SLC10A1: variants seen among roughly 807,000 people sequenced by gnomAD.
SLC10A1 encodes the protein solute carrier family 10 member 1.
SLC10A1 carries 36 observed loss-of-function variants against 20.5 expected under a neutral mutation model. The ratio of observed to expected loss-of-function variants is 1.75; its 90% confidence interval spans 1.34 to 2.32. The LOEUF is 2.32. Ranked by LOEUF, SLC10A1 falls within the 30% of genes most tolerant of loss-of-function variation. The pLI is 0.00. For synonymous variants in SLC10A1, 188 were observed against 163.6 expected (o/e 1.15, Z -1.14); for missense variants, 545 against 439.1 (o/e 1.24, Z -2.16).
Position 69,776,389 on chromosome 14 carries a change from C to A in SLC10A1, c.944-1G>T, listed in dbSNP as rs144422250. The A allele has an allele frequency of 2.5e-6, 4 of 1,608,932 alleles. No individual in the cohort carries two copies. The highest frequency in any genetic ancestry group is 3.4e-6 in the Non-Finnish European group (4 of 1,177,284). On this transcript the variant is annotated splice_acceptor_variant, in intron 4 of 4. Transcript: ENST00000216540. LOFTEE classifies it high-confidence loss of function. ...GCTGTGTAGATCATTTTTGTTTTAT[C>A]TGTAAAGTTAAAAAGGGTTACAGGT... is the stretch of plus-strand genomic sequence containing the variant.
Position 69,778,350 on chromosome 14 carries a change from T to A in SLC10A1, c.926A>T (p.Lys309Ile). The change falls in exon 4 of 5, where the codon AAA becomes ATA. Residue 309 changes from lysine (K) to isoleucine (I), a missense_variant. Physicochemically the swap from Lys to Ile is moderately radical, Grantham distance 102. Coordinates refer to ENST00000216540, the MANE Select transcript of SLC10A1 (RefSeq NM_003049.4). ...GTACTCACCCTTGGGAGTCTTGAATTTCTCATAGCACCAAAATATGGCAAT... is the reference window on the plus strand; with the variant it reads ...GTACTCACCCTTGGGAGTCTTGAATATCTCATAGCACCAAAATATGGCAAT... ...LLIAIFWCYE[K>I]FKTPKDKTKM... 1 of 1,607,632 alleles carries A rather than the reference T, an allele frequency of 6.2e-7. No homozygotes were observed. Among genetic ancestry groups the A allele is most frequent in the Non-Finnish European group, 8.5e-7 (1 of 1,177,090 alleles).
At position 69,775,972 on chromosome 14, in the gene SLC10A1, ACTTTAAGATGCTTAT is replaced by A. The variant is rs1426849374; in HGVS notation, c.*295_*309del. On this transcript the variant is annotated 3_prime_UTR_variant, in exon 5 of 5. Transcript: ENST00000216540. ...TATTGATTAGTTCAGGAATTGAGTG[ACTTTAAGATGCTTAT>A]CAGACACTTTTAGAGATCCCAGCAA... 1.3e-5 allele frequency: 4 copies of A among 311,070 alleles called. No individual in the cohort carries two copies. Among genetic ancestry groups the A allele is most frequent in the African/African-American group, 8.7e-5 (4 of 46,126 alleles). 19.3% of individuals were successfully genotyped at this position (311,070 alleles called of 1,614,324 possible).
rs146609721 is a variant in SLC10A1, at chr14:69,786,129, T to G, written c.535A>C (p.Lys179Gln). ...ACATAGCGCATGTATTGTGGCCGTT[T>G]GGATTTGAGGACGATCCCTATGGTG... ...PCTIGIVLKS[K>Q]RPQYMRYVIK... is the part of the protein sequence containing the mutation. The change falls in exon 2 of 5, where the codon AAA becomes CAA. Residue 179 changes from lysine to glutamine, a missense_variant. Lys to Gln is a moderately conservative substitution (Grantham distance 53). Coordinates refer to ENST00000216540, the MANE Select transcript of SLC10A1 (RefSeq NM_003049.4). 7 of 1,614,076 alleles carry G rather than the reference T, an allele frequency of 4.3e-6. No individual in the cohort carries two copies. The highest frequency in any genetic ancestry group is 2.7e-5 in the African/African-American group (2 of 74,922).
At position 69,786,088 on chromosome 14, in the gene SLC10A1, G is replaced by A. The variant is rs756304222; in HGVS notation, c.567+9C>T. The A allele has an allele frequency of 3.1e-6, 5 of 1,612,320 alleles. No individual in the cohort carries two copies. The South Asian group carries it at 4.4e-5, about 14-fold the overall frequency. On this transcript the variant is annotated intron_variant, in intron 2 of 4. Transcript: ENST00000216540. ...TTGCCCTAATTTGTCAAGCCTCCCA[G>A]GTTCTTACCTTGATGACATAGCGCA...
intron 1 of SLC10A1, 149 bp from the exon 2 acceptor site, chr14:69,786,456 ATCT>A (rs1417513939): frequency 4.6e-6 from 3 of 650,940 alleles, no homozygotes; most frequent in African/African-American, 1.8e-5. Flanking sequence ...TAAGCATACT[ATCT>A]TCTTTTCGCT....
At chr14:69,788,023 C>A (rs1883761973) in intron 1 of SLC10A1, among the ~76,000 whole-genome samples, 1 of 151,690 alleles carries the variant, frequency 6.6e-6, no homozygotes, top group Non-Finnish European at 1.5e-5. Context: ...TAGCGCCACT[C>A]CACTAAAAAA....
rs567292118 is a variant in SLC10A1, at chr14:69,776,337, C to T, written c.995G>A (p.Gly332Glu). 1 of 1,613,832 alleles carries T rather than the reference C, an allele frequency of 6.2e-7. No homozygotes were observed. Among genetic ancestry groups the T allele is most frequent in the South Asian group, 1.1e-5 (1 of 91,056 alleles). ...TTTGTAGGTGCCATTTCCCAGAGCT[C>T]CTGGAATTGTTTCTTCAGTTGTGGC... ...TAATTEETIP[G>E]ALGNGTYKGE... Residue 332 changes from glycine (G) to glutamate (E), a missense_variant, in exon 5 of 5, where the codon GGA (glycine) becomes GAA (glutamate). Transcript: ENST00000216540.
At chr14:69,780,823 T>G (rs755287739) in intron 2 of SLC10A1, among the ~76,000 whole-genome samples, 42 of 152,216 alleles carry the variant, frequency 2.8e-4, no homozygotes, top group Non-Finnish European at 5.1e-4. Flanking sequence ...GATTTCCCCT[T>G]TTAGATTTCT....
At chr14:69,795,536 C>G (rs1482212848) in intron 1 of SLC10A1, among the ~76,000 whole-genome samples, 1 of 151,588 alleles carries the variant, frequency 6.6e-6, no homozygotes, top group African/African-American at 2.4e-5. Context: ...TCCCAAGTAG[C>G]TGGGACTACA....
rs967377565 is a variant in SLC10A1, at chr14:69,779,202, A to G, written c.726T>C (p.Ala242=). 3 of 1,612,028 alleles carry G rather than the reference A, an allele frequency of 1.9e-6. No homozygotes were observed. The highest frequency in any genetic ancestry group is 2.5e-6 in the Non-Finnish European group (3 of 1,179,348). The change falls in exon 3 of 5, where the codon GCT becomes GCC. Residue 242 remains alanine (A), a synonymous_variant. Coordinates refer to ENST00000216540, the MANE Select transcript of SLC10A1 (RefSeq NM_003049.4). ...IGFLLGYVLS[A]LFCLNGRCRR... Reference sequence around the variant, plus strand: ...CCTACCGTCCATTGAGGCAGAAGAGAGCAGAGAGAACATAACCCAGCAGAA... The same window carrying G: ...CCTACCGTCCATTGAGGCAGAAGAGGGCAGAGAGAACATAACCCAGCAGAA...
rs746595833 is a variant in SLC10A1 at position 69,779,177 on chromosome 14, C to G, written c.746+5G>C. Reference sequence around the variant, plus strand: ...CCCTTTCTTAAAAAAAAAAAAAATACCTACCGTCCATTGAGGCAGAAGAGA... The same window carrying G: ...CCCTTTCTTAAAAAAAAAAAAAATAGCTACCGTCCATTGAGGCAGAAGAGA... On this transcript the variant is annotated splice_donor_5th_base_variant and intron_variant, in intron 3 of 4. Coordinates refer to ENST00000216540, the MANE Select transcript of SLC10A1 (RefSeq NM_003049.4). 1 of 1,565,064 alleles carries G rather than the reference C, an allele frequency of 6.4e-7. No homozygotes were observed. The highest frequency in any genetic ancestry group is 2.0e-5 in the Admixed American group (1 of 50,288).
rs778455372 is a variant in SLC10A1 at position 69,796,795 on chromosome 14, CCTACCTGAGGTT to C, written c.349_356+4del. The stretch of plus-strand genomic sequence containing the variant: ...AGGCTGTTCCCTCCTCACCCCCAGG[CCTACCTGAGGTT>C]CATGTCCCCCTTCATGGCCAGACTG... On this transcript the variant is annotated splice_donor_variant and splice_donor_region_variant and coding_sequence_variant and intron_variant, in exon 1 of 5. Coordinates refer to ENST00000216540, the MANE Select transcript of SLC10A1 (RefSeq NM_003049.4). LOFTEE classifies it high-confidence loss of function. 8 of 1,609,202 alleles carry C rather than the reference CCTACCTGAGGTT, an allele frequency of 5.0e-6. No individual in the cohort carries two copies. The highest frequency in any genetic ancestry group is 6.8e-6 in the Non-Finnish European group (8 of 1,176,486).
intron 2 of SLC10A1, among the ~76,000 whole-genome samples, chr14:69,781,487 G>C (rs1263664837): frequency 6.6e-6 from 1 of 152,236 alleles, no homozygotes; most frequent in Non-Finnish European, 1.5e-5. Context: ...CATTTAGGAA[G>C]TTTGCAGGAT....
chr14:69,792,165 G>T (rs1415686118), intron 1 of SLC10A1, among the ~76,000 whole-genome samples: 1 of 151,864 alleles, frequency 6.6e-6, no homozygotes, highest in Non-Finnish European at 1.5e-5. Flanking sequence ...ATGTTGGACA[G>T]GCTTGTAGAT....
At chr14:69,790,335 A>T (rs1158172545) in intron 1 of SLC10A1, among the ~76,000 whole-genome samples, 1 of 152,176 alleles carries the variant, frequency 6.6e-6, no homozygotes, top group African/African-American at 2.4e-5. Context: ...GCCCTAATTT[A>T]TTGTATAAAG....
intron 1 of SLC10A1, among the ~76,000 whole-genome samples, chr14:69,793,246 C>G (rs927815781): frequency 1.3e-5 from 2 of 152,136 alleles, no homozygotes; most frequent in African/African-American, 4.8e-5. Flanking sequence ...ACTTCCTCCA[C>G]TTGCACAGGT....
At position 69,778,375 on chromosome 14, in the gene SLC10A1, TGAG is replaced by T. The variant is rs1363756903; in HGVS notation, c.898_900del (p.Leu300del). 1 of 1,612,310 alleles carries T rather than the reference TGAG, an allele frequency of 6.2e-7. No homozygotes were observed. The highest frequency in any genetic ancestry group is 1.7e-5 in the Admixed American group (1 of 59,588). ...TTCTCATAGCACCAAAATATGGCAA[TGAG>T]GAGAAGCCCTTCTCCAAGCTGGAAA... On this transcript the variant is annotated inframe_deletion, in exon 4 of 5. Transcript: ENST00000216540.
At chr14:69,788,842 G>A (rs1481340549) in intron 1 of SLC10A1, among the ~76,000 whole-genome samples, 1 of 152,018 alleles carries the variant, frequency 6.6e-6, no homozygotes, top group Non-Finnish European at 1.5e-5. Flanking sequence ...CACCGCGCCC[G>A]GCCAATATAT....
chr14:69,775,805 A>G lies in SLC10A1; in HGVS notation c.*477T>C, dbSNP rs1186654816. On this transcript the variant is annotated 3_prime_UTR_variant, in exon 5 of 5. Transcript: ENST00000216540. ...TCGGGAGCATCATCCCAATAATGTCAAAAGGGAAGGAATAGGATCTGAACT... is the reference window on the plus strand; with the variant it reads ...TCGGGAGCATCATCCCAATAATGTCGAAAGGGAAGGAATAGGATCTGAACT... 1 of 152,834 alleles carries G rather than the reference A, an allele frequency of 6.5e-6. No homozygotes were observed. The highest frequency in any genetic ancestry group is 2.4e-5 in the African/African-American group (1 of 41,456). 9.5% of individuals were successfully genotyped at this position (152,834 alleles called of 1,614,324 possible).
Sources: gnomAD v4.1 joint callset for allele counts (sites outside exome capture counted in the v4.1 genomes callset) on GRCh38, gnomAD v4.1.1 for gene constraint, MANE v1.5 for transcripts, NCBI Gene and HGNC (gene_info 2026-07-23, HGNC 2026-07-21) for gene names.